Variants in MTMR10 observed in about 807,000 individuals in gnomAD.
MTMR10 encodes the protein myotubularin-related protein 10.
A neutral mutation model predicts 88.1 loss-of-function variants in MTMR10; 56 were observed. That is an observed-to-expected ratio of 0.64 (90% CI 0.51 to 0.79). MTMR10 has a LOEUF of 0.79. Among genes scored for constraint, MTMR10 ranks in the 30% least tolerant of loss-of-function variants. MTMR10 has a pLI of 0.00. For synonymous variants in MTMR10, 380 were observed against 340.9 expected (o/e 1.11, Z -1.26); for missense variants, 883 against 924.7 (o/e 0.95, Z 0.58).
intron 12 of MTMR10, 185 bp from the exon 13 acceptor site, chr15:30,948,656 G>A (rs899661787): frequency 8.2e-6 from 5 of 606,290 alleles, no homozygotes; most frequent in Non-Finnish European, 1.4e-5. Context: ...AACTAAATTA[G>A]CATTTAATAG....
At chr15:30,985,018 CT>C (rs2030852876) in intron 2 of MTMR10, among the ~76,000 whole-genome samples, 1 of 152,220 alleles carries the variant, frequency 6.6e-6, no homozygotes, top group Admixed American at 6.5e-5. Context: ...TTTTACCCTT[CT>C]GCCAAACTGC....
At chr15:30,956,201 A>G (rs1043349933) in intron 9 of MTMR10, 1 of 152,230 alleles carries the variant, frequency 6.6e-6, no homozygotes, top group Admixed American at 6.5e-5. Flanking sequence ...TTTGCTTGAT[A>G]AACTGATTTT....
the MTMR10 span, chr15:30,927,415 T>C: frequency 1.0e-6 from 1 of 985,548 alleles, no homozygotes; most frequent in Non-Finnish European, 1.2e-6. Flanking sequence ...CGCTGTCCTT[T>C]TGAATCCCTG....
the MTMR10 span, chr15:30,928,457 T>C: frequency 5.9e-6 from 9 of 1,523,494 alleles, no homozygotes; most frequent in Non-Finnish European, 7.9e-6. Flanking sequence ...TGAAATTGAG[T>C]GTGCAGTAGG....
chr15:30,955,200 G>A (rs2063305314), intron 9 of MTMR10, among the ~76,000 whole-genome samples: 1 of 152,126 alleles, frequency 6.6e-6, no homozygotes, highest in Non-Finnish European at 1.5e-5. Flanking sequence ...ATCTGGCTTT[G>A]ACTACTGCAG....
chr15:30,956,852 C>T (rs1381676587), intron 9 of MTMR10, among the ~76,000 whole-genome samples: 3 of 152,204 alleles, frequency 2.0e-5, no homozygotes, highest in Non-Finnish European at 4.4e-5. Context: ...CCTAACTGTG[C>T]ACTTCATCAG....
At chr15:30,983,038 G>A (rs530374607) in intron 2 of MTMR10, among the ~76,000 whole-genome samples, 4 of 152,330 alleles carry the variant, frequency 2.6e-5, no homozygotes, top group African/African-American at 9.6e-5. Context: ...AAGCTTCAAA[G>A]CTCTAGAGGT....
chr15:30,967,867 G>A (rs1566959844), intron 6 of MTMR10, 53 bp downstream of exon 6: 1 of 1,416,926 alleles, frequency 7.1e-7, no homozygotes, highest in East Asian at 2.5e-5. Flanking sequence ...AAACATAAGA[G>A]TAAAATTTAC....
At chr15:30,972,955 T>C (rs2063555003) in intron 5 of MTMR10, among the ~76,000 whole-genome samples, 1 of 152,208 alleles carries the variant, frequency 6.6e-6, no homozygotes. Flanking sequence ...CCTAACTCAA[T>C]CTAGCAAGTT....
rs1133642 is a variant in MTMR10 at position 30,974,944 on chromosome 15, C to A, written c.318G>T (p.Glu106Asp). 4.5e-4 allele frequency: 708 copies of A among 1,567,080 alleles called. 2 individuals carry two copies. The African/African-American group carries it at 8.4e-3, about 19-fold the overall frequency. ...GEHDVPLTCI[E>D]QIVTVNDHKR... ...AATACTACGTACCTGTGACAATTTG[C>A]TCAATACATGTTAAAGGGACATCGT... The change falls in exon 4 of 16, where the codon GAG becomes GAT. Residue 106 changes from glutamate (E) to aspartate (D), a missense_variant. Physicochemically the swap from Glu to Asp is conservative, Grantham distance 45. This residue lies in a region of MTMR10 where 414 missense variants were observed against 423.2 expected (regional missense o/e 0.98). Coordinates refer to ENST00000435680, the MANE Select transcript of MTMR10 (RefSeq NM_017762.3).
At chr15:30,970,408 T>C (rs368330285) in intron 5 of MTMR10, among the ~76,000 whole-genome samples, 7 of 152,220 alleles carry the variant, frequency 4.6e-5, no homozygotes, top group African/African-American at 1.2e-4. Context: ...GGCTAAAAAG[T>C]AGAGAAGGAG....
chr15:30,960,770 C>A, intron 7 of MTMR10, 111 bp downstream of exon 7: 2 of 1,249,580 alleles, frequency 1.6e-6, no homozygotes, highest in Non-Finnish European at 2.1e-6. Context: ...TTATTAAAAA[C>A]AAATATTCCA....
the MTMR10 span, chr15:30,925,742 C>T: frequency 6.2e-7 from 1 of 1,606,176 alleles, no homozygotes; most frequent in Non-Finnish European, 8.5e-7. Context: ...TTTTCAGGGA[C>T]TTTTGCTGAC....
the MTMR10 span, among the ~76,000 whole-genome samples, chr15:30,919,895 AGTTTAAACCCAT>A: frequency 6.6e-6 from 1 of 152,186 alleles, no homozygotes; most frequent in Non-Finnish European, 1.5e-5. Context: ...GGACGTGTGC[AGTTTAAACCCAT>A]GTTGTCCAGG....
chr15:30,926,774 G>C, the MTMR10 span: 1 of 985,362 alleles, frequency 1.0e-6, no homozygotes, highest in Non-Finnish European at 1.2e-6. Flanking sequence ...ACGTGGGAGC[G>C]CTGAAATGCT....
intron 6 of MTMR10, among the ~76,000 whole-genome samples, chr15:30,967,326 G>C (rs1191060305): frequency 6.6e-6 from 1 of 152,096 alleles, no homozygotes; most frequent in Non-Finnish European, 1.5e-5. Context: ...TGATCATCTG[G>C]AATCTTCCCT....
rs1463199111 is a variant in MTMR10, at chr15:30,941,841, TTA to T, written c.1961_1962del (p.Ile654LysfsTer33). The T allele has an allele frequency of 8.1e-6, 13 of 1,613,890 alleles. No homozygotes were observed. Among genetic ancestry groups the T allele is most frequent in the Non-Finnish European group, 8.5e-7 (1 of 1,179,900 alleles). On this transcript the variant is annotated frameshift_variant, in exon 16 of 16. Transcript: ENST00000435680. LOFTEE classifies it high-confidence loss of function. ...CGGAAGTAGCACAGTTTCCACAGTT[TTA>T]TGTGTGTTCCAGAGACACGTGGCAG... ...VILPRVSGTH[I>X]KLWKLCYFRW... is the part of the protein sequence containing the mutation.
At chr15:30,942,548 A>G (rs757245368) in intron 15 of MTMR10, 18 of 333,308 alleles carry the variant, frequency 5.4e-5, no homozygotes, top group Non-Finnish European at 8.1e-5. Flanking sequence ...GGACAAGAAT[A>G]TAGCAGTCAG....
At chr15:30,978,586 T>TAA (rs1315906331) in intron 2 of MTMR10, among the ~76,000 whole-genome samples, 1 of 152,316 alleles carries the variant, frequency 6.6e-6, no homozygotes, top group Admixed American at 6.5e-5. Flanking sequence ...ACATATGCAT[T>TAA]AAAGAGCTAT....
Sources: gnomAD v4.1 joint callset for allele counts (sites outside exome capture counted in the v4.1 genomes callset) on GRCh38, gnomAD v4.1.1 for gene constraint, gnomAD v4.1.1 regional missense constraint, MANE v1.5 for transcripts, NCBI Gene and HGNC (gene_info 2026-07-23, HGNC 2026-07-21) for gene names.